CDKN2B-AS1: variants seen among roughly 807,000 people sequenced by gnomAD.
The protein encoded by CDKN2B-AS1 is CDKN2B antisense RNA 1 (non-protein coding).
At chr9:22,092,764 A>G (rs1825138025) in intron 4 of CDKN2B-AS1, among the ~76,000 whole-genome samples, 1 of 152,016 alleles carries the variant, frequency 6.6e-6, no homozygotes. Flanking sequence ...TGATCTTTTC[A>G]AAAAACCAGC....
intron 4 of CDKN2B-AS1, among the ~76,000 whole-genome samples, chr9:22,069,514 G>C (rs1320496386): frequency 6.6e-6 from 1 of 151,766 alleles, no homozygotes; most frequent in African/African-American, 2.4e-5. Flanking sequence ...TTTCTTTTTT[G>C]CTTTTTATTT....
At chr9:22,086,780 T>C (rs1824880485) in intron 4 of CDKN2B-AS1, among the ~76,000 whole-genome samples, 1 of 152,352 alleles carries the variant, frequency 6.6e-6, no homozygotes, top group South Asian at 2.1e-4. Flanking sequence ...GAGATCTTAT[T>C]TTATCTGGAA....
chr9:22,109,668 A>G (rs892659449), intron 4 of CDKN2B-AS1, among the ~76,000 whole-genome samples: 14 of 152,180 alleles, frequency 9.2e-5, no homozygotes, highest in African/African-American at 3.1e-4. Context: ...CTGAAATTAC[A>G]TATGAGATGT....
chr9:22,126,574 C>CTTTTTTTTTTTTTTTTTTT lies in CDKN2B-AS1; in HGVS notation n.439-526_439-508dup, dbSNP rs34700018. 2.8e-4 allele frequency among the ~76,000 whole-genome samples: 29 copies of CTTTTTTTTTTTTTTTTTTT among 104,880 alleles called. 3 individuals are homozygous for CTTTTTTTTTTTTTTTTTTT. Among genetic ancestry groups the CTTTTTTTTTTTTTTTTTTT allele is most frequent in the African/African-American group, 1.1e-3 (27 of 25,252 alleles). 68.8% of individuals were successfully genotyped at this position (104,880 alleles called of 152,430 possible). On this transcript the variant is annotated intron_variant and non_coding_transcript_variant, in intron 4 of 4. Transcript: ENST00000650946. ...TGAATGGGGATGGAGTAAGTGGATT[C>CTTTTTTTTTTTTTTTTTTT]TTTTTTTTTTTTTTTTTTTTTGAGA...
At position 22,010,576 on chromosome 9, in the gene CDKN2B-AS1, G is replaced by A. The variant is rs3808845; in HGVS notation, n.29+15415G>A. Among the ~76,000 whole-genome samples the A allele has an allele frequency of 9.0e-3, 1,371 of 152,230 alleles. 111 individuals are homozygous for A. The East Asian group carries it at 0.19, about 22-fold the overall frequency. On this transcript the variant is annotated intron_variant and non_coding_transcript_variant, in intron 1 of 4. Coordinates refer to ENST00000650946, the Ensembl canonical transcript of CDKN2B-AS1. ...CCAAATCCCTGTAGAATTAAAAAAA[G>A]CTCTTTCTTTTAAAGGCAGTGGAAG...
At chr9:22,010,809 C>T (rs1821460205) in intron 1 of CDKN2B-AS1, among the ~76,000 whole-genome samples, 1 of 152,176 alleles carries the variant, frequency 6.6e-6, no homozygotes, top group South Asian at 2.1e-4. Flanking sequence ...TTGAGTTTCT[C>T]TGAAACTTAT....
chr9:22,018,760 A>G (rs994935278), intron 1 of CDKN2B-AS1, among the ~76,000 whole-genome samples: 5 of 152,234 alleles, frequency 3.3e-5, no homozygotes, highest in African/African-American at 1.2e-4. Flanking sequence ...TTTTAGCAAT[A>G]ATGTGAACAT....
intron 4 of CDKN2B-AS1, among the ~76,000 whole-genome samples, chr9:22,067,241 C>T (rs959767448): frequency 3.9e-5 from 6 of 152,120 alleles, no homozygotes; most frequent in African/African-American, 1.4e-4. Context: ...ACTGCACAAT[C>T]TCTAGTATTC....
At chr9:22,110,274 G>C (rs1323120030) in intron 4 of CDKN2B-AS1, among the ~76,000 whole-genome samples, 3 of 151,976 alleles carry the variant, frequency 2.0e-5, no homozygotes, top group Non-Finnish European at 4.4e-5. Context: ...ACATCCACTG[G>C]GTGCCTGTTA....
At chr9:22,126,438 G>A (rs767265426) in intron 4 of CDKN2B-AS1, among the ~76,000 whole-genome samples, 6 of 152,062 alleles carry the variant, frequency 3.9e-5, no homozygotes, top group Admixed American at 6.6e-5. Flanking sequence ...CAATAACAAC[G>A]ATTAAAATAT....
chr9:22,075,395 T>C (rs1824456239), intron 4 of CDKN2B-AS1, among the ~76,000 whole-genome samples: 1 of 152,192 alleles, frequency 6.6e-6, no homozygotes, highest in South Asian at 2.1e-4. Context: ...AGTCATAGTA[T>C]ATGATCAAAG....
intron 4 of CDKN2B-AS1, among the ~76,000 whole-genome samples, chr9:22,081,300 A>G (rs139377329): frequency 3.0e-5 from 4 of 131,764 alleles, no homozygotes; most frequent in African/African-American, 1.1e-4. Context: ...TTTTTACATT[A>G]TAACTAATGA....
chr9:22,070,733 T>C (rs1180342926), intron 4 of CDKN2B-AS1, among the ~76,000 whole-genome samples: 1 of 152,180 alleles, frequency 6.6e-6, no homozygotes, highest in East Asian at 1.9e-4. Flanking sequence ...GTGTAACAAA[T>C]GCCTGCCTCT....
rs913271767 is a variant in CDKN2B-AS1 at position 22,001,689 on chromosome 9, G to A, written n.29+6528G>A. ...AAAATGAAGTATTCTTTTTCCTTAC[G>A]CAAGGAATGACATTAAAATCTTCTG... On this transcript the variant is annotated intron_variant and non_coding_transcript_variant, in intron 1 of 4. Coordinates refer to ENST00000650946, the Ensembl canonical transcript of CDKN2B-AS1. The surrounding 1 kb of genome is among the most constrained non-coding windows in gnomAD (Gnocchi z 4.2). Among the ~76,000 whole-genome samples, 1 of 151,952 alleles carries A rather than the reference G, an allele frequency of 6.6e-6. No individual in the cohort carries two copies. Among genetic ancestry groups the A allele is most frequent in the African/African-American group, 2.4e-5 (1 of 41,396 alleles).
At chr9:22,073,203 A>G (rs1824366273) in intron 4 of CDKN2B-AS1, among the ~76,000 whole-genome samples, 2 of 152,230 alleles carry the variant, frequency 1.3e-5, no homozygotes, top group South Asian at 4.1e-4. Flanking sequence ...GTAAAAAGGA[A>G]TAGGTATACT....
intron 4 of CDKN2B-AS1, chr9:22,120,835 C>T (rs1826081289): frequency 6.6e-6 from 1 of 151,910 alleles, no homozygotes; most frequent in South Asian, 2.1e-4. Flanking sequence ...CCATAGTGAA[C>T]ATGTAATGCT....
At chr9:22,084,650 C>T (rs1449378812) in intron 4 of CDKN2B-AS1, among the ~76,000 whole-genome samples, 2 of 152,060 alleles carry the variant, frequency 1.3e-5, no homozygotes, top group Admixed American at 1.3e-4. Flanking sequence ...GCATATCCAA[C>T]TTTGGGTTGA....
rs543518156 is a variant in CDKN2B-AS1, at chr9:22,033,179, G to T, written n.30-13572G>T. On this transcript the variant is annotated intron_variant and non_coding_transcript_variant, in intron 1 of 4. Transcript: ENST00000650946. ...AACCCAGAGCACCCCCCACCCACCT[G>T]CAGAAGAATTGACTTTTACGAAACC... Among the ~76,000 whole-genome samples, 22 of 152,238 alleles carry T rather than the reference G, an allele frequency of 1.4e-4. No individual in the cohort carries two copies. The East Asian group carries it at 4.1e-3, about 28-fold the overall frequency.
intron 1 of CDKN2B-AS1, among the ~76,000 whole-genome samples, chr9:22,013,756 G>C (rs1331092489): frequency 6.6e-6 from 1 of 152,074 alleles, no homozygotes; most frequent in Non-Finnish European, 1.5e-5. Context: ...CTGGCGTCTT[G>C]TTTCCTCTTA....
Sources: allele counts gnomAD v4.1 joint callset (sites outside exome capture counted in the v4.1 genomes callset), GRCh38; gene constraint gnomAD v4.1.1; non-coding constraint Gnocchi (gnomAD v3.1); transcripts MANE v1.5; gene names NCBI Gene and HGNC (gene_info 2026-07-23, HGNC 2026-07-21).